Variants in NCK1 observed in about 807,000 individuals in gnomAD.
NCK1 encodes NCK adaptor protein 1.
NCK1 carries 19 observed loss-of-function variants against 36.6 expected under a neutral mutation model. The ratio of observed to expected loss-of-function variants is 0.52; its 90% CI spans 0.36 to 0.76. NCK1 has a LOEUF of 0.76. Ranked by LOEUF, NCK1 falls within the 30% of genes least tolerant of loss-of-function variation. NCK1 has a pLI of 0.00. For missense variants in NCK1, 358 were observed against 445.6 expected, an observed-to-expected ratio of 0.80 and a Z score of 1.77; for synonymous variants, 165 against 156.0, an observed-to-expected ratio of 1.06 and a Z score of -0.43.
chr3:136,901,910 G>T (rs1939550382), intron 1 of NCK1, among the ~76,000 whole-genome samples: 1 of 151,766 alleles, frequency 6.6e-6, no homozygotes, highest in African/African-American at 2.4e-5. Flanking sequence ...TACTAATTTG[G>T]GGTTTGGTTC....
intron 1 of NCK1, among the ~76,000 whole-genome samples, chr3:136,878,057 A>G (rs1938822818): frequency 1.3e-5 from 2 of 152,230 alleles, no homozygotes; most frequent in African/African-American, 4.8e-5. Context: ...GAAAGAAGCC[A>G]GTCACAAACG....
chr3:136,917,194 C>G (rs1470911796), intron 1 of NCK1, among the ~76,000 whole-genome samples: 1 of 150,914 alleles, frequency 6.6e-6, no homozygotes, highest in Non-Finnish European at 1.5e-5. Flanking sequence ...TAAATGTGGC[C>G]CAACACAAAT....
At chr3:136,925,844 A>AT (rs1261000706) in intron 1 of NCK1, among the ~76,000 whole-genome samples, 2 of 152,250 alleles carry the variant, frequency 1.3e-5, no homozygotes, top group Non-Finnish European at 2.9e-5. Context: ...TCTGGGATAA[A>AT]TACCCAGGGG....
intron 1 of NCK1, among the ~76,000 whole-genome samples, chr3:136,888,881 T>C (rs1301286341): frequency 6.6e-6 from 1 of 151,942 alleles, no homozygotes; most frequent in Non-Finnish European, 1.5e-5. Context: ...TTTTGTTTTT[T>C]TCTTTTTTGA....
intron 1 of NCK1, among the ~76,000 whole-genome samples, chr3:136,882,082 C>G (rs1576949011): frequency 6.6e-6 from 1 of 152,116 alleles, no homozygotes; most frequent in East Asian, 1.9e-4. Context: ...TATTTTTTAT[C>G]TTTTGAGGAA....
At chr3:136,878,660 TTTAAA>T (rs1938842440) in intron 1 of NCK1, among the ~76,000 whole-genome samples, 1 of 151,746 alleles carries the variant, frequency 6.6e-6, no homozygotes, top group Non-Finnish European at 1.5e-5. Context: ...AATTGTATAC[TTTAAA>T]TGAGTGAGTT....
At chr3:136,907,964 C>T (rs1174185689) in intron 1 of NCK1, among the ~76,000 whole-genome samples, 1 of 152,304 alleles carries the variant, frequency 6.6e-6, no homozygotes, top group East Asian at 1.9e-4. Flanking sequence ...AGAGAGAGAA[C>T]ATCCTTAACC....
intron 1 of NCK1, among the ~76,000 whole-genome samples, chr3:136,902,048 T>C (rs1939554021): frequency 6.6e-6 from 1 of 152,122 alleles, no homozygotes; most frequent in African/African-American, 2.4e-5. Flanking sequence ...TTCGGTATGT[T>C]GTATTAGATT....
intron 1 of NCK1, among the ~76,000 whole-genome samples, chr3:136,866,019 CTACTTAG>C (rs1938400952): frequency 6.6e-6 from 1 of 152,162 alleles, no homozygotes; most frequent in African/African-American, 2.4e-5. Context: ...ATTTTTCTCT[CTACTTAG>C]TATGTCTTCC....
intron 2 of NCK1, 52 bp downstream of exon 2, chr3:136,928,279 C>G (rs1306424013): frequency 8.1e-6 from 12 of 1,483,966 alleles, no homozygotes; most frequent in Non-Finnish European, 1.1e-5. Flanking sequence ...AAACCTGCAA[C>G]TTAGTTCTTT....
chr3:136,888,317 G>C (rs902872595), intron 1 of NCK1, among the ~76,000 whole-genome samples: 1 of 152,012 alleles, frequency 6.6e-6, no homozygotes, highest in East Asian at 1.9e-4. Flanking sequence ...ATTGAGATAT[G>C]ATTCACATAC....
At chr3:136,879,386 G>A (rs1362078580) in intron 1 of NCK1, among the ~76,000 whole-genome samples, 1 of 152,092 alleles carries the variant, frequency 6.6e-6, no homozygotes, top group Non-Finnish European at 1.5e-5. Flanking sequence ...GGGTATCCTG[G>A]AAAAATGAAA....
intron 1 of NCK1, among the ~76,000 whole-genome samples, chr3:136,869,322 G>A (rs1397868685): frequency 6.6e-6 from 1 of 152,174 alleles, no homozygotes; most frequent in Non-Finnish European, 1.5e-5. Context: ...TGAGGTGGGC[G>A]GATAACTTGA....
chr3:136,923,396 A>T (rs1940162529), intron 1 of NCK1, among the ~76,000 whole-genome samples: 1 of 152,066 alleles, frequency 6.6e-6, no homozygotes, highest in Non-Finnish European at 1.5e-5. Context: ...TCCACTAAAA[A>T]TACAAAAAAA....
intron 1 of NCK1, among the ~76,000 whole-genome samples, chr3:136,915,882 C>T (rs896359481): frequency 2.0e-5 from 3 of 152,040 alleles, no homozygotes; most frequent in Non-Finnish European, 4.4e-5. Flanking sequence ...TGCATCACCA[C>T]GCCTGGCTAA....
intron 1 of NCK1, among the ~76,000 whole-genome samples, chr3:136,888,682 C>T (rs892574720): frequency 1.3e-5 from 2 of 152,034 alleles, no homozygotes; most frequent in Non-Finnish European, 2.9e-5. Flanking sequence ...TAATCACCTC[C>T]CAAAGCAATG....
At chr3:136,903,283 G>C (rs1188884410) in intron 1 of NCK1, among the ~76,000 whole-genome samples, 1 of 152,008 alleles carries the variant, frequency 6.6e-6, no homozygotes, top group Non-Finnish European at 1.5e-5. Context: ...AGTCACTGTT[G>C]GTTTCTGTTT....
intron 1 of NCK1, among the ~76,000 whole-genome samples, chr3:136,882,520 G>A (rs1043950307): frequency 1.3e-5 from 2 of 151,698 alleles, no homozygotes; most frequent in Non-Finnish European, 2.9e-5. Flanking sequence ...ATAATACAAT[G>A]AAAGTTTACA....
chr3:136,947,908 AGAG>A (rs1298814622), intron 3 of NCK1, among the ~76,000 whole-genome samples: 1 of 152,124 alleles, frequency 6.6e-6, no homozygotes, highest in Non-Finnish European at 1.5e-5. Flanking sequence ...CTCTGACTGG[AGAG>A]AAGATAGCTC....
Sources: gnomAD v4.1 joint callset for allele counts (sites outside exome capture counted in the v4.1 genomes callset) on GRCh38, gnomAD v4.1.1 for gene constraint, MANE v1.5 for transcripts, NCBI Gene and HGNC (gene_info 2026-07-23, HGNC 2026-07-21) for gene names.